The following ME1 variants were observed in gnomAD, a reference collection of about 807,000 sequenced individuals.
ME1 encodes the protein NADP-dependent malic enzyme.
In ME1, 74 loss-of-function variants were observed where a neutral mutation model predicts 66.4. The observed-to-expected ratio is 1.11, with a 90% CI of 0.92 to 1.35. The LOEUF (loss-of-function observed/expected upper bound fraction) is 1.35. Ranked by LOEUF, ME1 falls within the 40% of genes most tolerant of loss-of-function variation. The probability of loss-of-function intolerance (pLI) is 0.00; values close to 1 mark genes in which losing one functional copy is unlikely to be tolerated. For synonymous variants in ME1, 251 were observed against 235.6 expected, an observed-to-expected ratio of 1.07 and a Z score of -0.60; for missense variants, 750 against 694.1, an observed-to-expected ratio of 1.08 and a Z score of -0.90.
chr6:83,298,936 T>G (rs1261092616), intron 6 of ME1, among the ~76,000 whole-genome samples: 4 of 54,696 alleles, frequency 7.3e-5, no homozygotes, highest in Admixed American at 2.4e-4. Flanking sequence ...TGTCTGTTTT[T>G]TTTTTTTTTT....
chr6:83,404,305 T>C (rs1769893703), intron 2 of ME1, among the ~76,000 whole-genome samples: 1 of 152,238 alleles, frequency 6.6e-6, no homozygotes, highest in Non-Finnish European at 1.5e-5. Context: ...ATGTCTTCTT[T>C]TGAGAAGTGT....
chr6:83,398,358 T>C lies in ME1; in HGVS notation c.362+9A>G. 1 of 1,557,178 alleles carries C rather than the reference T, an allele frequency of 6.4e-7. No individual in the cohort carries two copies. The highest frequency in any genetic ancestry group is 8.6e-7 in the Non-Finnish European group (1 of 1,158,250). ...ACACAAGTTGCATATAAAATAAAAG[T>C]TGACATACCTTGGCTTCCGAAACAC... On this transcript the variant is annotated intron_variant, in intron 3 of 13. Transcript: ENST00000369705.
At chr6:83,364,278 T>C (rs536979367) in intron 3 of ME1, among the ~76,000 whole-genome samples, 1 of 152,302 alleles carries the variant, frequency 6.6e-6, no homozygotes, top group East Asian at 1.9e-4. Flanking sequence ...CCCTAAACAT[T>C]GAACTCCAAG....
chr6:83,277,107 T>C (rs990352059), intron 6 of ME1, among the ~76,000 whole-genome samples: 1 of 152,262 alleles, frequency 6.6e-6, no homozygotes, highest in Non-Finnish European at 1.5e-5. Flanking sequence ...TAAGATGGCA[T>C]TTCTTTAGAA....
rs562398769 is a variant in ME1 at position 83,312,520 on chromosome 6, G to A, written c.704+2790C>T. On this transcript the variant is annotated intron_variant, in intron 6 of 13. Coordinates refer to ENST00000369705, the MANE Select transcript of ME1 (RefSeq NM_002395.6). ...GCTCTACCCTAAACCTGCCAAGATG[G>A]CAAATAAAAAAAACCAACATAGCAT... 2.6e-5 allele frequency among the ~76,000 whole-genome samples: 4 copies of A among 152,220 alleles called. No homozygotes were observed. The South Asian group carries it at 8.3e-4, about 32-fold the overall frequency.
In ME1 at chr6:83,346,384, G is replaced by A. The variant is rs191325271; in HGVS notation, c.439-50C>T. The A allele has an allele frequency of 1.7e-4, 228 of 1,353,842 alleles. No homozygotes were observed. The African/African-American group carries it at 2.8e-3, about 17-fold the overall frequency. 83.9% of individuals were successfully genotyped at this position (1,353,842 alleles called of 1,614,324 possible). A position where few individuals can be genotyped will look rare whatever the true frequency, so the allele number is the denominator to read the frequency against. On this transcript the variant is annotated intron_variant, in intron 4 of 13. Coordinates refer to ENST00000369705, the MANE Select transcript of ME1 (RefSeq NM_002395.6). Reference sequence around the variant, plus strand: ...ATTAACAAGTTTTCACAAATCCTGAGACACAATTTCTGACTCTATTTCTGA... The same window carrying A: ...ATTAACAAGTTTTCACAAATCCTGAAACACAATTTCTGACTCTATTTCTGA...
chr6:83,332,919 T>TA (rs1209445387), intron 5 of ME1, among the ~76,000 whole-genome samples: 5 of 152,040 alleles, frequency 3.3e-5, no homozygotes, highest in Non-Finnish European at 5.9e-5. Context: ...AAAATAAAAA[T>TA]AAAAAAATAA....
intron 6 of ME1, among the ~76,000 whole-genome samples, chr6:83,282,999 T>C (rs1345895027): frequency 2.0e-5 from 3 of 151,068 alleles, no homozygotes. Context: ...GAGGCCGAGG[T>C]GGGCGGATCA....
In ME1 at chr6:83,407,916, C is replaced by A. The variant is rs369665223; in HGVS notation, c.79-15G>T. The A allele has an allele frequency of 2.2e-4, 310 of 1,381,754 alleles. No individual in the cohort carries two copies. The highest frequency in any genetic ancestry group is 7.7e-4 in the Middle Eastern group (4 of 5,180). 85.6% of individuals were successfully genotyped at this position (1,381,754 alleles called of 1,614,324 possible). A position where few individuals can be genotyped will look rare whatever the true frequency, so the allele number is the denominator to read the frequency against. On this transcript the variant is annotated splice_polypyrimidine_tract_variant and intron_variant, in intron 1 of 13. Coordinates refer to ENST00000369705, the MANE Select transcript of ME1 (RefSeq NM_002395.6). ...AAGGCCAAGTCCTATAGAGAAAAAA[C>A]ACACACACACACACAACAGTATTTG... is the stretch of plus-strand genomic sequence containing the variant.
chr6:83,427,707 T>G (rs1276151753), intron 1 of ME1, among the ~76,000 whole-genome samples: 1 of 151,296 alleles, frequency 6.6e-6, no homozygotes, highest in Admixed American at 6.6e-5. Context: ...ATCAAAGAAA[T>G]AAGAAAAAAA....
At chr6:83,281,655 A>G (rs1299677099) in intron 6 of ME1, among the ~76,000 whole-genome samples, 1 of 151,548 alleles carries the variant, frequency 6.6e-6, no homozygotes, top group Non-Finnish European at 1.5e-5. Context: ...AAAGTACAAC[A>G]ATTAGCCGAG....
At chr6:83,326,438 T>C (rs1768292286) in intron 5 of ME1, among the ~76,000 whole-genome samples, 2 of 152,100 alleles carry the variant, frequency 1.3e-5, no homozygotes, top group Non-Finnish European at 2.9e-5. Flanking sequence ...GAAACTATCA[T>C]CTGAGTGAAC....
chr6:83,368,228 T>C (rs1769135516), intron 3 of ME1, among the ~76,000 whole-genome samples: 1 of 151,860 alleles, frequency 6.6e-6, no homozygotes, highest in South Asian at 2.1e-4. Context: ...CTATAAAAGT[T>C]ATAATAATAA....
At chr6:83,288,956 T>C (rs933579628) in intron 6 of ME1, among the ~76,000 whole-genome samples, 1 of 152,150 alleles carries the variant, frequency 6.6e-6, no homozygotes, top group African/African-American at 2.4e-5. Context: ...TGTTTGTCTG[T>C]TATTGGTGTA....
At chr6:83,365,156 G>A (rs558930992) in intron 3 of ME1, among the ~76,000 whole-genome samples, 5 of 152,278 alleles carry the variant, frequency 3.3e-5, no homozygotes, top group African/African-American at 9.6e-5. Flanking sequence ...GCAGCGGCAC[G>A]ATGTTGGCTC....
intron 5 of ME1, among the ~76,000 whole-genome samples, chr6:83,333,972 C>T (rs954730041): frequency 6.6e-6 from 1 of 151,834 alleles, no homozygotes; most frequent in Non-Finnish European, 1.5e-5. Context: ...GCCAAGATGG[C>T]CGAATAGGAA....
intron 7 of ME1, among the ~76,000 whole-genome samples, chr6:83,240,482 T>C (rs1327534341): frequency 6.6e-6 from 1 of 152,110 alleles, no homozygotes; most frequent in Non-Finnish European, 1.5e-5. Flanking sequence ...TACTTTACCA[T>C]ATAAGCATTC....
At chr6:83,299,078 C>A (rs1389560497) in intron 6 of ME1, among the ~76,000 whole-genome samples, 1 of 150,114 alleles carries the variant, frequency 6.7e-6, no homozygotes, top group Non-Finnish European at 1.5e-5. Flanking sequence ...CTTGGCTATT[C>A]GGGCTCTTTT....
intron 3 of ME1, among the ~76,000 whole-genome samples, chr6:83,376,556 T>C (rs1417508173): frequency 6.6e-6 from 1 of 150,988 alleles, no homozygotes; most frequent in Non-Finnish European, 1.5e-5. Context: ...ATCCCAGCAC[T>C]TTGGGAGGCC....
Sources: allele counts gnomAD v4.1 joint callset (sites outside exome capture counted in the v4.1 genomes callset), GRCh38; gene constraint gnomAD v4.1.1; transcripts MANE v1.5; gene names NCBI Gene and HGNC (gene_info 2026-07-23, HGNC 2026-07-21).